Variants in CTNNA2 observed in about 807,000 individuals in gnomAD.
CTNNA2 encodes the protein catenin alpha 2.
In CTNNA2, 42 loss-of-function variants were observed where a neutral mutation model predicts 101.0. That is an observed-to-expected ratio of 0.42 (90% CI 0.32 to 0.54). CTNNA2 has a LOEUF of 0.54. Ranked by LOEUF, CTNNA2 falls within the 20% of genes least tolerant of loss-of-function variation. CTNNA2 has a pLI of 0.14. For synonymous variants in CTNNA2, 450 were observed against 456.4 expected (o/e 0.99, Z 0.18); for missense variants, 871 against 1,223.1 (o/e 0.71, Z 4.29).
intron 1 of CTNNA2, among the ~76,000 whole-genome samples, chr2:79,619,950 G>T (rs1678889086): frequency 6.6e-6 from 1 of 151,382 alleles, no homozygotes; most frequent in Non-Finnish European, 1.5e-5. Flanking sequence ...CTTTTTTTCT[G>T]TTTAAATTAC....
At chr2:80,594,522 T>C (rs1696779143) in intron 15 of CTNNA2, among the ~76,000 whole-genome samples, 1 of 152,070 alleles carries the variant, frequency 6.6e-6, no homozygotes, top group African/African-American at 2.4e-5. Context: ...AAGTTCAACA[T>C]CTTTTTTTTT....
chr2:79,192,349 C>A (rs1558568881), intron 1 of CTNNA2, among the ~76,000 whole-genome samples: 1 of 152,156 alleles, frequency 6.6e-6, no homozygotes, highest in Non-Finnish European at 1.5e-5. Context: ...GTGTTCAACA[C>A]AAAGTAGCCC....
intron 7 of CTNNA2, among the ~76,000 whole-genome samples, chr2:80,379,780 G>A (rs1021546189): frequency 6.6e-6 from 1 of 152,094 alleles, no homozygotes; most frequent in African/African-American, 2.4e-5. Context: ...AAATTTCCAT[G>A]CCCTACCCTA....
chr2:80,246,059 G>T (rs76838458), intron 7 of CTNNA2, among the ~76,000 whole-genome samples: 3,224 of 152,086 alleles, frequency 0.021, 117 homozygotes, highest in African/African-American at 0.073. Context: ...CTCCTGAAGT[G>T]CTGGGATTAT....
At chr2:79,369,940 A>C (rs1677833934) in intron 3 of CTNNA2, among the ~76,000 whole-genome samples, 1 of 152,204 alleles carries the variant, frequency 6.6e-6, no homozygotes, top group Non-Finnish European at 1.5e-5. Flanking sequence ...TTTGCATATT[A>C]TCTACAAGGT....
At chr2:79,378,682 G>C (rs1422295826) in intron 4 of CTNNA2, among the ~76,000 whole-genome samples, 2 of 152,074 alleles carry the variant, frequency 1.3e-5, no homozygotes, top group Admixed American at 6.5e-5. Context: ...TTACTTAGAG[G>C]TGCTTGGGTT....
intron 2 of CTNNA2, among the ~76,000 whole-genome samples, chr2:79,286,142 G>A (rs1020007183): frequency 6.6e-6 from 1 of 152,070 alleles, no homozygotes; most frequent in Non-Finnish European, 1.5e-5. Flanking sequence ...TTGAGCCTGT[G>A]TGTGTCTCTG....
At chr2:79,293,465 A>G (rs1675883685) in intron 2 of CTNNA2, among the ~76,000 whole-genome samples, 1 of 152,136 alleles carries the variant, frequency 6.6e-6, no homozygotes, top group Non-Finnish European at 1.5e-5. Flanking sequence ...CTAGAAGCTT[A>G]CAGTTTGGCT....
intron 3 of CTNNA2, among the ~76,000 whole-genome samples, chr2:79,329,510 G>T (rs151264689): frequency 1.6e-3 from 247 of 152,198 alleles, no homozygotes; most frequent in African/African-American, 5.7e-3. Context: ...ACCTACGGTG[G>T]CATCCCCTAC....
chr2:79,781,624 A>T (rs746640747), intron 3 of CTNNA2, among the ~76,000 whole-genome samples: 8 of 152,198 alleles, frequency 5.3e-5, no homozygotes, highest in Non-Finnish European at 1.2e-4. Flanking sequence ...TGAAAGATCA[A>T]AAAGTATTTG....
At chr2:80,313,105 T>A (rs913321725) in intron 7 of CTNNA2, among the ~76,000 whole-genome samples, 20 of 152,306 alleles carry the variant, frequency 1.3e-4, no homozygotes, top group African/African-American at 4.8e-4. Context: ...GCCAAAACTC[T>A]TGAGTTGAAG....
chr2:80,379,143 G>C (rs1676270521), intron 7 of CTNNA2, among the ~76,000 whole-genome samples: 1 of 152,122 alleles, frequency 6.6e-6, no homozygotes, highest in African/African-American at 2.4e-5. Context: ...GCATAGTGTA[G>C]ACAGGTTTAC....
At chr2:79,770,542 T>C (rs1201963320) in intron 3 of CTNNA2, among the ~76,000 whole-genome samples, 4 of 152,212 alleles carry the variant, frequency 2.6e-5, no homozygotes, top group African/African-American at 4.8e-5. Flanking sequence ...AAATACTGTC[T>C]GCACACAGTA....
At chr2:79,552,778 C>G (rs1182947745) in intron 1 of CTNNA2, among the ~76,000 whole-genome samples, 1 of 152,184 alleles carries the variant, frequency 6.6e-6, no homozygotes, top group Non-Finnish European at 1.5e-5. Context: ...GAGGCTGGAG[C>G]TGGAGCAACC....
intron 4 of CTNNA2, among the ~76,000 whole-genome samples, chr2:79,469,027 A>G (rs1670969083): frequency 6.6e-6 from 1 of 152,190 alleles, no homozygotes; most frequent in South Asian, 2.1e-4. Context: ...AATAACTAAG[A>G]TCAGAGCAGA....
At chr2:79,218,427 C>T (rs1387424812) in intron 2 of CTNNA2, among the ~76,000 whole-genome samples, 1 of 151,546 alleles carries the variant, frequency 6.6e-6, no homozygotes, top group Non-Finnish European at 1.5e-5. Context: ...AAGCAGTCCT[C>T]CTGCCTCAGC....
At chr2:80,615,132 T>G (rs1461478661) in intron 17 of CTNNA2, among the ~76,000 whole-genome samples, 1 of 151,488 alleles carries the variant, frequency 6.6e-6, no homozygotes, top group Non-Finnish European at 1.5e-5. Context: ...ATCTGGGGAT[T>G]TTGTCATTGA....
intron 7 of CTNNA2, among the ~76,000 whole-genome samples, chr2:80,023,874 TC>T (rs1028119514): frequency 6.6e-6 from 1 of 150,990 alleles, no homozygotes; most frequent in African/African-American, 2.4e-5. Context: ...GATCACGAGG[TC>T]AGGAGATCGA....
Position 79,965,125 on chromosome 2 carries a change from G to A in CTNNA2, c.1056+55328G>A, listed in dbSNP as rs1296530242. ...TCACTCCGAGGAGTCATTTTCATTT[G>A]CCTGTCTGTTCAGGATTTTATGGCA... On this transcript the variant is annotated intron_variant, in intron 7 of 18. Transcript: ENST00000402739. Among the ~76,000 whole-genome samples the A allele has an allele frequency of 2.6e-5, 4 of 152,266 alleles. No individual in the cohort carries two copies. The East Asian group carries it at 7.7e-4, about 29-fold the overall frequency.
Sources: gnomAD v4.1 joint callset for allele counts (sites outside exome capture counted in the v4.1 genomes callset) on GRCh38, gnomAD v4.1.1 for gene constraint, MANE v1.5 for transcripts, NCBI Gene and HGNC (gene_info 2026-07-23, HGNC 2026-07-21) for gene names.